The following RBFOX1 variants were observed in gnomAD, a reference collection of about 807,000 sequenced individuals.
RBFOX1 encodes RNA binding protein fox-1 homolog 1.
Under a neutral mutation model 57.7 loss-of-function variants are expected in RBFOX1, and 8 were observed. The observed-to-expected ratio is 0.14, with a 90% CI of 0.08 to 0.25. The LOEUF is 0.25. Among genes scored for constraint, RBFOX1 ranks in the 10% least tolerant of loss-of-function variants. The pLI, the probability that RBFOX1 is intolerant of heterozygous loss-of-function variation, is 1.00. For missense variants in RBFOX1, 611 were observed against 548.5 expected, an observed-to-expected ratio of 1.11 and a Z score of -1.14; for synonymous variants, 326 against 222.4, an observed-to-expected ratio of 1.47 and a Z score of -4.15.
intron 1 of RBFOX1, among the ~76,000 whole-genome samples, chr16:6,146,920 A>G (rs988998022): frequency 2.6e-5 from 4 of 152,146 alleles, no homozygotes; most frequent in African/African-American, 7.2e-5. Context: ...GAAGCATGGC[A>G]TCACGTGGCT....
At chr16:6,262,086 C>A (rs140455256) in intron 1 of RBFOX1, among the ~76,000 whole-genome samples, 1 of 151,798 alleles carries the variant, frequency 6.6e-6, no homozygotes, top group Non-Finnish European at 1.5e-5. Flanking sequence ...TAAGGTGAAA[C>A]GTAGAGATGA....
At chr16:5,806,099 G>A (rs1311913596) in intron 3 of RBFOX1, among the ~76,000 whole-genome samples, 2 of 152,060 alleles carry the variant, frequency 1.3e-5, no homozygotes, top group Non-Finnish European at 2.9e-5. Context: ...AAATGGGAGG[G>A]CCTCTCATGT....
At chr16:6,540,629 A>C (rs1010939996) in intron 2 of RBFOX1, among the ~76,000 whole-genome samples, 15 of 151,880 alleles carry the variant, frequency 9.9e-5, no homozygotes, top group South Asian at 2.1e-4. Flanking sequence ...AAAAAAAAAA[A>C]AAAAAAAAAC....
intron 4 of RBFOX1, among the ~76,000 whole-genome samples, chr16:7,178,913 A>G (rs1396856228): frequency 1.3e-5 from 2 of 152,106 alleles, no homozygotes; most frequent in African/African-American, 4.8e-5. Context: ...GGTTAACAAG[A>G]TCGTAAATAA....
intron 3 of RBFOX1, among the ~76,000 whole-genome samples, chr16:6,685,243 C>T (rs910892774): frequency 5.3e-5 from 8 of 149,746 alleles, no homozygotes; most frequent in South Asian, 2.1e-4. Context: ...AATGACTTCA[C>T]GTAAGTGTAC....
At chr16:6,001,515 C>G (rs901005473) in intron 4 of RBFOX1, among the ~76,000 whole-genome samples, 6 of 152,146 alleles carry the variant, frequency 3.9e-5, no homozygotes, top group East Asian at 1.9e-4. Context: ...CCCATCATGT[C>G]TAACTCCAGA....
At chr16:7,617,548 T>C (rs1434956313) in intron 10 of RBFOX1, among the ~76,000 whole-genome samples, 1 of 152,198 alleles carries the variant, frequency 6.6e-6, no homozygotes, top group East Asian at 1.9e-4. Flanking sequence ...TTAGCGGTTA[T>C]ATACTACATG....
chr16:7,057,255 G>GTTAA (rs1322576642), intron 4 of RBFOX1, among the ~76,000 whole-genome samples: 1 of 152,172 alleles, frequency 6.6e-6, no homozygotes, highest in Non-Finnish European at 1.5e-5. Flanking sequence ...CTCCCTCTCA[G>GTTAA]TTAAGGTTGT....
intron 3 of RBFOX1, among the ~76,000 whole-genome samples, chr16:6,665,304 C>T (rs908733302): frequency 1.4e-4 from 21 of 152,072 alleles, no homozygotes; most frequent in Admixed American, 3.3e-4. Context: ...AGCTAAATGA[C>T]TTAAATGGAC....
intron 3 of RBFOX1, among the ~76,000 whole-genome samples, chr16:6,674,799 C>A (rs1281535992): frequency 6.6e-6 from 1 of 152,108 alleles, no homozygotes; most frequent in Non-Finnish European, 1.5e-5. Context: ...TCCTAGAGTC[C>A]CCAGAGAAAA....
chr16:5,876,142 C>A (rs1444073008), intron 4 of RBFOX1, among the ~76,000 whole-genome samples: 1 of 152,088 alleles, frequency 6.6e-6, no homozygotes, highest in Admixed American at 6.6e-5. Flanking sequence ...CGCGCCCGGC[C>A]TATCCCACAA....
In RBFOX1 at chr16:6,138,210, C is replaced by G. The variant is rs565951884; in HGVS notation, c.-127+118218C>G. Among the ~76,000 whole-genome samples the G allele has an allele frequency of 2.7e-3, 414 of 152,292 alleles. 1 individual carries two copies. The highest frequency in any genetic ancestry group is 4.5e-3 in the Non-Finnish European group (307 of 68,026). On this transcript the variant is annotated intron_variant, in intron 1 of 15. Coordinates refer to ENST00000550418, the MANE Select transcript of RBFOX1 (RefSeq NM_018723.4). ...GATGGGTGTGCGGTCTGGGCCCCTGCCCAGCCACACCCTGCACTTGGTTTG... is the reference window on the plus strand; with the variant it reads ...GATGGGTGTGCGGTCTGGGCCCCTGGCCAGCCACACCCTGCACTTGGTTTG...
intron 3 of RBFOX1, among the ~76,000 whole-genome samples, chr16:6,895,432 G>GTATA (rs2066544856): frequency 1.5e-5 from 1 of 68,268 alleles, no homozygotes. Flanking sequence ...GTGTGTGTGT[G>GTATA]TGTGTGTGTG....
At chr16:5,245,555 C>G (rs1234855981) in intron 1 of RBFOX1, among the ~76,000 whole-genome samples, 1 of 152,160 alleles carries the variant, frequency 6.6e-6, no homozygotes, top group Admixed American at 6.5e-5. Flanking sequence ...AGGGATTCTC[C>G]TGCCTCAGCC....
At chr16:6,467,110 A>G (rs148342880) in intron 2 of RBFOX1, among the ~76,000 whole-genome samples, 2,843 of 151,060 alleles carry the variant, frequency 0.019, 80 homozygotes, top group African/African-American at 0.063. Flanking sequence ...AAATTTACTT[A>G]ATATATGAAT....
intron 2 of RBFOX1, among the ~76,000 whole-genome samples, chr16:6,531,830 A>C (rs746466303): frequency 1.2e-4 from 19 of 152,226 alleles, no homozygotes; most frequent in Non-Finnish European, 2.6e-4. Flanking sequence ...ACTGCAGTTA[A>C]TTACAGGGAC....
chr16:6,892,912 C>T (rs998403153), intron 3 of RBFOX1, among the ~76,000 whole-genome samples: 1 of 151,686 alleles, frequency 6.6e-6, no homozygotes, highest in Non-Finnish European at 1.5e-5. Context: ...TCAGTCTTTG[C>T]TCCTCAGCTA....
chr16:6,607,132 A>T (rs139783606), intron 2 of RBFOX1, among the ~76,000 whole-genome samples: 1 of 152,230 alleles, frequency 6.6e-6, no homozygotes, highest in Non-Finnish European at 1.5e-5. Context: ...GGAAGTCAGC[A>T]CTCTGCATTT....
At chr16:5,388,210 T>C (rs1171131321) in intron 1 of RBFOX1, among the ~76,000 whole-genome samples, 2 of 152,092 alleles carry the variant, frequency 1.3e-5, no homozygotes, top group Non-Finnish European at 2.9e-5. Flanking sequence ...AACCAGCACA[T>C]TGGTAGAGGC....
Sources: allele counts gnomAD v4.1 joint callset (sites outside exome capture counted in the v4.1 genomes callset), GRCh38; gene constraint gnomAD v4.1.1; transcripts MANE v1.5; gene names NCBI Gene and HGNC (gene_info 2026-07-23, HGNC 2026-07-21).